Variants in BCAS4 observed in about 807,000 individuals in gnomAD.
BCAS4 encodes breast carcinoma amplified sequence 4.
A neutral mutation model predicts 15.7 loss-of-function variants in BCAS4; 9 were observed. That is an observed-to-expected ratio of 0.57 (90% CI 0.34 to 1.00). The LOEUF is 1.00. BCAS4 is among the 50% of genes least tolerant of loss of function. The pLI is 0.02. For synonymous variants in BCAS4, 101 were observed against 99.5 expected (o/e 1.02, Z -0.09); for missense variants, 225 against 239.1 (o/e 0.94, Z 0.39).
intron 2 of BCAS4, among the ~76,000 whole-genome samples, chr20:50,818,797 T>C (rs2088174358): frequency 1.3e-5 from 2 of 152,170 alleles, no homozygotes; most frequent in South Asian, 4.1e-4. Context: ...TCCTACTCTG[T>C]CTGGTTGGCC....
rs143964691 is a variant in BCAS4, at chr20:50,815,713, T to A, written c.91-2498T>A. On this transcript the variant is annotated intron_variant, in intron 1 of 4. Transcript: ENST00000371608. ...TACTCCAGCCTGAAAGATGTTTTTT[T>A]GTGCAGTCGTTTATTTTGTTGTGGT... Among the ~76,000 whole-genome samples, 470 of 152,322 alleles carry A rather than the reference T, an allele frequency of 3.1e-3. 3 individuals carry two copies. The highest frequency in any genetic ancestry group is 7.0e-3 in the African/African-American group (292 of 41,572).
intron 2 of BCAS4, among the ~76,000 whole-genome samples, chr20:50,820,230 C>A (rs1000484009): frequency 1.3e-5 from 2 of 152,168 alleles, no homozygotes; most frequent in Non-Finnish European, 2.9e-5. Flanking sequence ...TCCCATCAAG[C>A]CCCAGTGTAT....
chr20:50,838,859 A>G (rs2088441651), intron 3 of BCAS4, among the ~76,000 whole-genome samples: 1 of 151,930 alleles, frequency 6.6e-6, no homozygotes, highest in African/African-American at 2.4e-5. Flanking sequence ...AAACAAAACA[A>G]ACAAACAAAC....
At chr20:50,802,804 G>T (rs556465582) in intron 1 of BCAS4, among the ~76,000 whole-genome samples, 20 of 152,112 alleles carry the variant, frequency 1.3e-4, no homozygotes, top group African/African-American at 4.6e-4. Flanking sequence ...AACCCGGGAG[G>T]CAGAGTTTGT....
chr20:50,799,460 C>T (rs986908775), intron 1 of BCAS4, among the ~76,000 whole-genome samples: 1 of 152,202 alleles, frequency 6.6e-6, no homozygotes, highest in Non-Finnish European at 1.5e-5. Context: ...GATCCCCAAG[C>T]TGGAACAGTT....
chr20:50,824,562 G>A (rs372919411), intron 2 of BCAS4, among the ~76,000 whole-genome samples: 18 of 152,338 alleles, frequency 1.2e-4, no homozygotes, highest in African/African-American at 3.1e-4. Flanking sequence ...TTCTCAGAGC[G>A]TAGCCCAAGG....
Position 50,870,523 on chromosome 20 carries a change from GC to G in BCAS4, c.400-5961del, listed in dbSNP as rs570494908. On this transcript the variant is annotated intron_variant, in intron 4 of 4. Transcript: ENST00000371608. ...CTGCTGGGTGTTGCGGATTGCCGGG[GC>G]CAACTCTGAGGCTTCGGCCAGACGC... Among the ~76,000 whole-genome samples, 410 of 152,288 alleles carry G rather than the reference GC, an allele frequency of 2.7e-3. 5 individuals carry two copies. Among genetic ancestry groups the G allele is most frequent in the South Asian group, 8.5e-3 (41 of 4,828 alleles).
intron 2 of BCAS4, among the ~76,000 whole-genome samples, chr20:50,819,298 C>A (rs2088183814): frequency 6.6e-6 from 1 of 152,114 alleles, no homozygotes; most frequent in Non-Finnish European, 1.5e-5. Flanking sequence ...AGCTCCCAAG[C>A]TTATTAGAGG....
At chr20:50,828,677 G>A (rs1038014028) in intron 2 of BCAS4, among the ~76,000 whole-genome samples, 1 of 152,180 alleles carries the variant, frequency 6.6e-6, no homozygotes, top group Admixed American at 6.5e-5. Flanking sequence ...TACTCGGGAG[G>A]CTGAGGCAGG....
intron 1 of BCAS4, among the ~76,000 whole-genome samples, chr20:50,800,176 T>C (rs2087910639): frequency 6.6e-6 from 1 of 152,004 alleles, no homozygotes; most frequent in South Asian, 2.1e-4. Flanking sequence ...GAATAGAAGG[T>C]TATTGTCTGG....
At chr20:50,800,405 A>G (rs1208492540) in intron 1 of BCAS4, among the ~76,000 whole-genome samples, 1 of 152,022 alleles carries the variant, frequency 6.6e-6, no homozygotes, top group African/African-American at 2.4e-5. Context: ...AAGGGGCACA[A>G]GCTCTGCCTG....
chr20:50,818,230 C>A lies in BCAS4; in HGVS notation c.110C>A (p.Thr37Asn), dbSNP rs766472880. 6.2e-7 allele frequency: 1 copy of A among 1,613,892 alleles called. No homozygotes were observed. Among genetic ancestry groups the A allele is most frequent in the South Asian group, 1.1e-5 (1 of 91,046 alleles). ...PGAEAKEVEE[T>N]IEGMLLRLEE... ...TTTCAGGCGAAGGAGGTGGAGGAGA[C>A]CATCGAGGGCATGCTCCTCAGGCTG... Residue 37 changes from threonine (T) to asparagine (N), a missense_variant, in exon 2 of 5, where the codon ACC (threonine) becomes AAC (asparagine). Thr to Asn is a moderately conservative substitution (Grantham distance 65). Transcript: ENST00000371608.
At chr20:50,803,031 A>G (rs772532045) in intron 1 of BCAS4, among the ~76,000 whole-genome samples, 48 of 152,254 alleles carry the variant, frequency 3.2e-4, no homozygotes, top group Non-Finnish European at 5.4e-4. Context: ...AAATACAAAA[A>G]TTAGCCAGCT....
chr20:50,794,977 C>G, upstream of BCAS4: 1 of 1,246,612 alleles, frequency 8.0e-7, no homozygotes, highest in Non-Finnish European at 1.0e-6. Context: ...CCGCCTCCGC[C>G]AGGCGGTCCG....
At chr20:50,805,506 T>C (rs2087978146) in intron 1 of BCAS4, among the ~76,000 whole-genome samples, 1 of 152,204 alleles carries the variant, frequency 6.6e-6, no homozygotes, top group African/African-American at 2.4e-5. Context: ...TATCCCTACC[T>C]GGCACAAGCT....
In BCAS4 at chr20:50,830,268, G is replaced by A. The variant is rs1456829997; in HGVS notation, c.163-11G>A. On this transcript the variant is annotated splice_polypyrimidine_tract_variant and intron_variant, in intron 2 of 4. Coordinates refer to ENST00000371608, the MANE Select transcript of BCAS4 (RefSeq NM_198799.4). ...GGCAGAAGGCCTGATGAGCTGTTTT[G>A]TTCCTTGCAGATCAGGAGTGATACT... The A allele has an allele frequency of 6.2e-7, 1 of 1,610,598 alleles. No homozygotes were observed. Among genetic ancestry groups the A allele is most frequent in the Non-Finnish European group, 8.5e-7 (1 of 1,176,918 alleles).
chr20:50,869,742 CTTTTTTTTTTT>C (rs55685532), intron 4 of BCAS4, among the ~76,000 whole-genome samples: 1 of 77,640 alleles, frequency 1.3e-5, no homozygotes, highest in Non-Finnish European at 2.3e-5. Context: ...CCTGGCACTG[CTTTTTTTTTTT>C]TTTTTTTTTT....
chr20:50,812,536 C>T (rs919867798), intron 1 of BCAS4, among the ~76,000 whole-genome samples: 2 of 151,576 alleles, frequency 1.3e-5, no homozygotes, highest in East Asian at 3.9e-4. Flanking sequence ...TCCTGGATTC[C>T]CCAAGCAATT....
In BCAS4 at chr20:50,842,076, C is replaced by T. The variant is rs532334457; in HGVS notation, c.399+176C>T. Among the ~76,000 whole-genome samples the T allele has an allele frequency of 2.2e-3, 328 of 152,320 alleles. 2 individuals carry two copies. Among genetic ancestry groups the T allele is most frequent in the African/African-American group, 7.3e-3 (305 of 41,568 alleles). ...AGCCTTTCTCTGTCCCCTGTGAGCC[C>T]TGGGCTGTGACGGTTCGTGTGCTCA... On this transcript the variant is annotated intron_variant, in intron 4 of 4. Coordinates refer to ENST00000371608, the MANE Select transcript of BCAS4 (RefSeq NM_198799.4).
Sources: gnomAD v4.1 joint callset for allele counts (sites outside exome capture counted in the v4.1 genomes callset) on GRCh38, gnomAD v4.1.1 for gene constraint, MANE v1.5 for transcripts, NCBI Gene and HGNC (gene_info 2026-07-23, HGNC 2026-07-21) for gene names.